FUT9: variants seen among roughly 807,000 people sequenced by gnomAD.
The protein encoded by FUT9 is fucosyltransferase 9, also known as 4-galactosyl-N-acetylglucosaminide 3-alpha-L-fucosyltransferase 9.
A neutral mutation model predicts 29.7 loss-of-function variants in FUT9; 15 were observed. That is an observed-to-expected ratio of 0.51 (90% CI 0.34 to 0.78). The LOEUF (loss-of-function observed/expected upper bound fraction) is 0.78. FUT9 is among the 30% of genes least tolerant of loss of function. The probability of loss-of-function intolerance (pLI) is 0.01; values close to 1 mark genes in which losing one functional copy is unlikely to be tolerated. For synonymous variants in FUT9, 169 were observed against 153.7 expected, an observed-to-expected ratio of 1.10 and a Z score of -0.74; for missense variants, 319 against 425.4, an observed-to-expected ratio of 0.75 and a Z score of 2.20.
intron 2 of FUT9, among the ~76,000 whole-genome samples, chr6:96,170,819 T>A (rs915869291): frequency 6.6e-6 from 1 of 152,176 alleles, no homozygotes; most frequent in South Asian, 2.1e-4. Flanking sequence ...CTGAGTCAAG[T>A]AGAAATTCAA....
chr6:96,165,906 A>G (rs1773008042), intron 2 of FUT9, among the ~76,000 whole-genome samples: 2 of 152,128 alleles, frequency 1.3e-5, no homozygotes, highest in Non-Finnish European at 2.9e-5. Flanking sequence ...GTGAGGCACC[A>G]CACTTGGCCT....
chr6:96,054,092 C>T (rs1447295321), intron 1 of FUT9, among the ~76,000 whole-genome samples: 3 of 152,156 alleles, frequency 2.0e-5, no homozygotes, highest in Non-Finnish European at 4.4e-5. Flanking sequence ...AAATCTTCCA[C>T]TGTTTCAAGG....
chr6:96,121,374 T>A (rs1218927442), intron 2 of FUT9, among the ~76,000 whole-genome samples: 1 of 152,182 alleles, frequency 6.6e-6, no homozygotes, highest in East Asian at 1.9e-4. Flanking sequence ...AAATTGTTCT[T>A]AAGTTTTATT....
intron 2 of FUT9, among the ~76,000 whole-genome samples, chr6:96,195,489 A>C (rs929904823): frequency 6.6e-6 from 1 of 152,090 alleles, no homozygotes; most frequent in Non-Finnish European, 1.5e-5. Flanking sequence ...AGTAAAGGGC[A>C]TTTTTCCCAA....
At position 96,106,365 on chromosome 6, in the gene FUT9, A is replaced by C. The variant is rs558252335; in HGVS notation, c.-97-7674A>C. On this transcript the variant is annotated intron_variant, in intron 1 of 2. Transcript: ENST00000302103. ...TATCTTGACGTCATTTAACACTCTTAAAAATATGTGCTTTTAAAAGGAAGT... is the reference window on the plus strand; with the variant it reads ...TATCTTGACGTCATTTAACACTCTTCAAAATATGTGCTTTTAAAAGGAAGT... Among the ~76,000 whole-genome samples, 3 of 152,246 alleles carry C rather than the reference A, an allele frequency of 2.0e-5. No homozygotes were observed. In the East Asian group the frequency reaches 5.8e-4, roughly 29 times the overall value.
intron 1 of FUT9, among the ~76,000 whole-genome samples, chr6:96,086,675 G>A (rs1771321731): frequency 6.6e-6 from 1 of 152,060 alleles, no homozygotes; most frequent in Non-Finnish European, 1.5e-5. Flanking sequence ...AGGAACCCAA[G>A]TTTATTTTTT....
At chr6:96,146,068 C>G (rs1772561736) in intron 2 of FUT9, among the ~76,000 whole-genome samples, 1 of 152,110 alleles carries the variant, frequency 6.6e-6, no homozygotes, top group Non-Finnish European at 1.5e-5. Flanking sequence ...TCTCGAACTC[C>G]TGGGCTCCAG....
intron 1 of FUT9, among the ~76,000 whole-genome samples, chr6:96,025,067 C>T (rs1770140070): frequency 6.6e-6 from 1 of 151,824 alleles, no homozygotes; most frequent in South Asian, 2.1e-4. Flanking sequence ...TCCATAACCC[C>T]CTCCTTTCCA....
intron 1 of FUT9, among the ~76,000 whole-genome samples, chr6:96,082,076 C>A (rs1408625674): frequency 6.6e-6 from 1 of 151,610 alleles, no homozygotes; most frequent in African/African-American, 2.4e-5. Context: ...TTTGTTTAAT[C>A]CACTTTTATA....
At chr6:96,027,889 T>C (rs1249319427) in intron 1 of FUT9, among the ~76,000 whole-genome samples, 1 of 151,646 alleles carries the variant, frequency 6.6e-6, no homozygotes, top group Admixed American at 6.6e-5. Flanking sequence ...TGCTGTTTTC[T>C]TCATAAAAAA....
At chr6:96,082,938 G>A (rs1276285715) in intron 1 of FUT9, among the ~76,000 whole-genome samples, 1 of 151,888 alleles carries the variant, frequency 6.6e-6, no homozygotes, top group Non-Finnish European at 1.5e-5. Flanking sequence ...AACCATAAGG[G>A]ATATATTTTC....
intron 2 of FUT9, among the ~76,000 whole-genome samples, chr6:96,163,228 A>G (rs964183419): frequency 1.3e-5 from 2 of 151,066 alleles, no homozygotes; most frequent in African/African-American, 4.9e-5. Flanking sequence ...ATTAATTACA[A>G]GTTGTTCTTC....
intron 2 of FUT9, among the ~76,000 whole-genome samples, chr6:96,166,556 C>G (rs904478591): frequency 1.3e-5 from 2 of 152,024 alleles, no homozygotes; most frequent in Non-Finnish European, 1.5e-5. Context: ...AGAAAGTAAG[C>G]GCCATTAATT....
At chr6:96,047,768 A>C (rs1770589795) in intron 1 of FUT9, among the ~76,000 whole-genome samples, 1 of 152,236 alleles carries the variant, frequency 6.6e-6, no homozygotes. Context: ...GACTTAAGAC[A>C]GGCAACAAGA....
At chr6:96,017,910 T>A (rs1334069756) in intron 1 of FUT9, among the ~76,000 whole-genome samples, 2 of 152,180 alleles carry the variant, frequency 1.3e-5, no homozygotes, top group Non-Finnish European at 2.9e-5. Context: ...GGGAATTTGT[T>A]AGTTAATATT....
intron 2 of FUT9, among the ~76,000 whole-genome samples, chr6:96,143,309 A>C (rs892007115): frequency 1.3e-5 from 2 of 152,208 alleles, no homozygotes; most frequent in African/African-American, 4.8e-5. Flanking sequence ...CCCTGCTTCC[A>C]AAATAATGAG....
intron 1 of FUT9, among the ~76,000 whole-genome samples, chr6:96,018,211 A>G (rs914341274): frequency 2.6e-5 from 4 of 152,182 alleles, no homozygotes; most frequent in Non-Finnish European, 4.4e-5. Context: ...TAGGGTGACT[A>G]CTATGCACAG....
At chr6:96,034,101 G>A (rs1770312057) in intron 1 of FUT9, among the ~76,000 whole-genome samples, 1 of 151,550 alleles carries the variant, frequency 6.6e-6, no homozygotes, top group South Asian at 2.1e-4. Flanking sequence ...CCCATTGGTA[G>A]CACTTTTTCA....
intron 2 of FUT9, among the ~76,000 whole-genome samples, chr6:96,194,223 G>A (rs368402570): frequency 1.3e-5 from 2 of 151,938 alleles, no homozygotes; most frequent in Non-Finnish European, 2.9e-5. Context: ...AAAATTTAGT[G>A]TACGTCAGAA....
Sources: allele counts gnomAD v4.1 joint callset (sites outside exome capture counted in the v4.1 genomes callset), GRCh38; gene constraint gnomAD v4.1.1; transcripts MANE v1.5; gene names NCBI Gene and HGNC (gene_info 2026-07-23, HGNC 2026-07-21).